Variants in LGMN observed in about 807,000 individuals in gnomAD.
LGMN encodes the protein asparaginyl endopeptidase.
In LGMN, 36 loss-of-function variants were observed where a neutral mutation model predicts 56.8. That is an observed-to-expected ratio of 0.63 (90% CI 0.49 to 0.84). The LOEUF is 0.84. Ranked by LOEUF, LGMN falls within the 40% of genes least tolerant of loss-of-function variation. The probability of loss-of-function intolerance (pLI) is 0.00; values close to 1 mark genes in which losing one functional copy is unlikely to be tolerated. For missense variants in LGMN, 446 were observed against 556.1 expected, an observed-to-expected ratio of 0.80 and a Z score of 1.99; for synonymous variants, 199 against 210.1, an observed-to-expected ratio of 0.95 and a Z score of 0.46.
At chr14:92,713,078 G>A (rs563549183) in intron 7 of LGMN, among the ~76,000 whole-genome samples, 9 of 152,286 alleles carry the variant, frequency 5.9e-5, no homozygotes, top group East Asian at 3.9e-4. Context: ...GAATAAAATC[G>A]TCTAGTAGCT....
chr14:92,728,081 C>T (rs1018371196), intron 2 of LGMN, among the ~76,000 whole-genome samples: 7 of 152,176 alleles, frequency 4.6e-5, no homozygotes, highest in African/African-American at 1.4e-4. Context: ...GTGATTTTGT[C>T]GTTTTGTGAG....
At chr14:92,718,341 A>T (rs927636890) in intron 3 of LGMN, among the ~76,000 whole-genome samples, 1 of 152,172 alleles carries the variant, frequency 6.6e-6, no homozygotes, top group Non-Finnish European at 1.5e-5. Flanking sequence ...TGGGAGGCCA[A>T]GGCAGCCGGA....
At position 92,709,847 on chromosome 14, in the gene LGMN, T is replaced by G. The variant is rs775353273; in HGVS notation, c.845A>C (p.Gln282Pro). 1.2e-6 allele frequency: 2 copies of G among 1,609,932 alleles called. No homozygotes were observed. The highest frequency in any genetic ancestry group is 1.7e-6 in the Non-Finnish European group (2 of 1,177,416). Reference sequence around the variant, plus strand: ...GGCTTTGCGTTTCATACCCTGAAACTGCATCACTTTCATGGTGGAGATTGT... The same window carrying G: ...GGCTTTGCGTTTCATACCCTGAAACGGCATCACTTTCATGGTGGAGATTGT... Reference protein sequence around the residue: ...NKTISTMKVMQFQGMKRKASS... With the variant: ...NKTISTMKVMPFQGMKRKASS... Residue 282 changes from glutamine to proline, a missense_variant, in exon 11 of 14, where the codon CAG (glutamine) becomes CCG (proline). Transcript: ENST00000334869.
At chr14:92,704,930 G>C (rs1349803748) in intron 12 of LGMN, 7 of 484,406 alleles carry the variant, frequency 1.4e-5, no homozygotes, top group African/African-American at 1.3e-4. Flanking sequence ...GGGCTGGCGG[G>C]GTTCTGCACT....
chr14:92,720,882 T>C (rs1476792595), intron 2 of LGMN, among the ~76,000 whole-genome samples: 1 of 151,846 alleles, frequency 6.6e-6, no homozygotes, highest in African/African-American at 2.4e-5. Flanking sequence ...TTTTTGTTTA[T>C]TTTTTTGTTT....
intron 1 of LGMN, among the ~76,000 whole-genome samples, chr14:92,747,205 A>T (rs1265666406): frequency 6.6e-6 from 1 of 151,570 alleles, no homozygotes; most frequent in African/African-American, 2.4e-5. Context: ...CAGCCCTCAA[A>T]CTCCAAGGCG....
At chr14:92,739,311 G>A (rs772079036) in intron 1 of LGMN, among the ~76,000 whole-genome samples, 1 of 152,154 alleles carries the variant, frequency 6.6e-6, no homozygotes. Flanking sequence ...AACGACGCCG[G>A]CTAAACTACT....
intron 2 of LGMN, among the ~76,000 whole-genome samples, chr14:92,721,177 A>G (rs1021539940): frequency 3.9e-5 from 6 of 152,214 alleles, no homozygotes; most frequent in African/African-American, 1.4e-4. Context: ...GATGCAAGCC[A>G]CGGCGCCTGG....
At chr14:92,735,954 T>G (rs1891286160) in intron 1 of LGMN, among the ~76,000 whole-genome samples, 1 of 152,086 alleles carries the variant, frequency 6.6e-6, no homozygotes, top group Non-Finnish European at 1.5e-5. Flanking sequence ...GGGCTCGCTG[T>G]GGGGCTGTGT....
At chr14:92,743,315 C>T (rs2140283241) in intron 1 of LGMN, among the ~76,000 whole-genome samples, 1 of 152,160 alleles carries the variant, frequency 6.6e-6, no homozygotes, top group South Asian at 2.1e-4. Context: ...TCCTGACTAA[C>T]ACAGTGAAAC....
At position 92,726,603 on chromosome 14, in the gene LGMN, G is replaced by A. The variant is rs577235911; in HGVS notation, c.138+6046C>T. ...TGTCCAACCCTTTATCTACTTCTGAGTGGAGAGGTTCTGTCAAAGGGAAAG... is the reference window on the plus strand; with the variant it reads ...TGTCCAACCCTTTATCTACTTCTGAATGGAGAGGTTCTGTCAAAGGGAAAG... On this transcript the variant is annotated intron_variant, in intron 2 of 13. Transcript: ENST00000334869. 3.3e-5 allele frequency among the ~76,000 whole-genome samples: 5 copies of A among 152,306 alleles called. No homozygotes were observed. The South Asian group carries it at 8.3e-4, about 25-fold the overall frequency.
At chr14:92,718,903 C>T (rs1029110088) in intron 2 of LGMN, 59 bp from the exon 3 acceptor site, 40 of 1,176,422 alleles carry the variant, frequency 3.4e-5, no homozygotes, top group Non-Finnish European at 4.9e-5. Context: ...TTTTGGAGTT[C>T]TAAGGAGTGA....
At chr14:92,734,356 A>G (rs575676287) in intron 1 of LGMN, among the ~76,000 whole-genome samples, 1 of 152,226 alleles carries the variant, frequency 6.6e-6, no homozygotes, top group Non-Finnish European at 1.5e-5. Context: ...GTGGTGGCTC[A>G]CGCCTGCAAT....
At chr14:92,707,249 TA>T (rs11437706) in intron 11 of LGMN, among the ~76,000 whole-genome samples, 42 of 144,016 alleles carry the variant, frequency 2.9e-4, no homozygotes, top group Non-Finnish European at 3.1e-4. Context: ...ATCAAAAAAC[TA>T]AAAAAAAAAA....
At chr14:92,706,400 G>T in intron 12 of LGMN, 83 bp downstream of exon 12, 1 of 1,174,966 alleles carries the variant, frequency 8.5e-7, no homozygotes, top group Non-Finnish European at 1.2e-6. Context: ...CCTTCTATAA[G>T]GTCGTACAAC....
At chr14:92,732,914 G>C in intron 1 of LGMN, 99 bp from the exon 2 acceptor site, 2 of 878,814 alleles carry the variant, frequency 2.3e-6, no homozygotes, top group Non-Finnish European at 3.4e-6. Context: ...ACTTTGGGAG[G>C]CCGAGGAGGG....
chr14:92,719,977 T>G (rs980645667), intron 2 of LGMN, among the ~76,000 whole-genome samples: 6 of 152,226 alleles, frequency 3.9e-5, no homozygotes, highest in African/African-American at 1.2e-4. Flanking sequence ...GTACACACAG[T>G]GCACTCTAAA....
chr14:92,720,756 A>C (rs1026736143), intron 2 of LGMN, among the ~76,000 whole-genome samples: 1 of 152,168 alleles, frequency 6.6e-6, no homozygotes, highest in South Asian at 2.1e-4. Context: ...CCTGCACTAC[A>C]TTACATTACA....
chr14:92,713,928 C>G (rs756751644), intron 6 of LGMN, 43 bp from the exon 7 acceptor site: 2 of 1,465,334 alleles, frequency 1.4e-6, no homozygotes, highest in East Asian at 2.3e-5. Flanking sequence ...TCAAGAGAAA[C>G]TATTTGCTGG....
Sources: allele counts gnomAD v4.1 joint callset (sites outside exome capture counted in the v4.1 genomes callset), GRCh38; gene constraint gnomAD v4.1.1; transcripts MANE v1.5; gene names NCBI Gene and HGNC (gene_info 2026-07-23, HGNC 2026-07-21).